Variants in KLHL29 observed in about 807,000 individuals in gnomAD.
KLHL29 encodes kelch-like protein 29.
In KLHL29, 21 loss-of-function variants were observed where a neutral mutation model predicts 80.4. The observed-to-expected ratio is 0.26, with a 90% confidence interval of 0.19 to 0.38. The LOEUF is 0.38. Among genes scored for constraint, KLHL29 ranks in the 10% least tolerant of loss-of-function variants. The pLI is 1.00. For synonymous variants in KLHL29, 511 were observed against 526.8 expected (o/e 0.97, Z 0.41); for missense variants, 867 against 1,223.9 (o/e 0.71, Z 4.35).
chr2:23,645,555 C>T (rs540329927), intron 5 of KLHL29, among the ~76,000 whole-genome samples: 7 of 152,284 alleles, frequency 4.6e-5, no homozygotes, highest in South Asian at 4.1e-4. Context: ...AGATCTAGCT[C>T]GTTAAAGTCC....
chr2:23,692,483 TG>T (rs1041454852), intron 7 of KLHL29, among the ~76,000 whole-genome samples: 7 of 152,164 alleles, frequency 4.6e-5, no homozygotes, highest in Non-Finnish European at 7.4e-5. Flanking sequence ...AAAGAAGCAG[TG>T]GCCTGGGGTG....
At chr2:23,645,047 T>G (rs950681909) in intron 5 of KLHL29, among the ~76,000 whole-genome samples, 2 of 152,208 alleles carry the variant, frequency 1.3e-5, no homozygotes, top group African/African-American at 4.8e-5. Context: ...GCCCCTTATA[T>G]TTGCAGGGAA....
In KLHL29 at chr2:23,562,488, T is replaced by C. The variant is rs145306900; in HGVS notation, c.285+7T>C. 9,510 of 1,535,150 alleles carry C rather than the reference T, an allele frequency of 6.2e-3. 37 individuals carry two copies. Among genetic ancestry groups the C allele is most frequent in the Non-Finnish European group, 7.6e-3 (8,730 of 1,146,596 alleles). On this transcript the variant is annotated splice_region_variant and intron_variant, in intron 3 of 13. Transcript: ENST00000486442. The surrounding 1 kb of genome is among the most constrained non-coding windows in gnomAD (Gnocchi z 4.5). ...GTCTGCGGTCACCACCAAGGTAAGA[T>C]GTGGTGTCATCTCTGAGCAGGAGCC... is the stretch of plus-strand genomic sequence containing the variant.
chr2:23,552,968 C>T lies in KLHL29; in HGVS notation c.-45-9184C>T, dbSNP rs549790956. On this transcript the variant is annotated intron_variant, in intron 2 of 13. Transcript: ENST00000486442. ...AGAGACGTGGTTTCACCATGTGGGCCAGGCTGGTCTCGAACTCCTGACCTC... is the reference window on the plus strand; with the variant it reads ...AGAGACGTGGTTTCACCATGTGGGCTAGGCTGGTCTCGAACTCCTGACCTC... 1.6e-4 allele frequency among the ~76,000 whole-genome samples: 24 copies of T among 152,150 alleles called. No homozygotes were observed. The South Asian group carries it at 4.8e-3, about 30-fold the overall frequency.
rs531717403 is a variant in KLHL29, at chr2:23,492,256, G to A, written c.-46+16589G>A. On this transcript the variant is annotated intron_variant, in intron 2 of 13. Transcript: ENST00000486442. ...TATTCCCATGGGCCTCTCTGGACTGGCCCCCTTGACCTCCTCCCAAGGCTG... is the reference window on the plus strand; with the variant it reads ...TATTCCCATGGGCCTCTCTGGACTGACCCCCTTGACCTCCTCCCAAGGCTG... Among the ~76,000 whole-genome samples, 133 of 152,262 alleles carry A rather than the reference G, an allele frequency of 8.7e-4. 1 individual carries two copies. Among genetic ancestry groups the A allele is most frequent in the African/African-American group, 2.9e-3 (121 of 41,560 alleles).
At chr2:23,463,147 G>A (rs1478745777) in intron 1 of KLHL29, among the ~76,000 whole-genome samples, 2 of 146,752 alleles carry the variant, frequency 1.4e-5, no homozygotes, top group Non-Finnish European at 3.0e-5. Flanking sequence ...TTTTTGGAAC[G>A]TCATGGCACT....
chr2:23,693,288 C>T lies in KLHL29; in HGVS notation c.1302C>T (p.Ser434=). The T allele has an allele frequency of 1.9e-6, 3 of 1,542,768 alleles. No individual in the cohort carries two copies. In the South Asian group the frequency reaches 3.6e-5, roughly 18 times the overall value. ...VSFLEKQLTA[S]NCLGVLAMAE... is the part of the protein sequence containing the mutation. Reference sequence around the variant, plus strand: ...CCCCAGAGAAGCAGCTGACGGCCAGCAACTGCCTGGGCGTGCTGGCCATGG... The same window carrying T: ...CCCCAGAGAAGCAGCTGACGGCCAGTAACTGCCTGGGCGTGCTGGCCATGG... The change falls in exon 8 of 14, where the codon AGC becomes AGT. Residue 434 remains serine, a synonymous_variant. Coordinates refer to ENST00000486442, the MANE Select transcript of KLHL29 (RefSeq NM_052920.2).
Position 23,696,528 on chromosome 2 carries a change from G to A in KLHL29, c.2105+15G>A. ...CACGTGGAGAGGTAATGAGGCCACG[G>A]TCAGGACAGGGGCATGCTCTTTGCT... On this transcript the variant is annotated intron_variant, in intron 11 of 13. Coordinates refer to ENST00000486442, the MANE Select transcript of KLHL29 (RefSeq NM_052920.2). The surrounding 1 kb of genome is among the most constrained non-coding windows in gnomAD (Gnocchi z 5.5). The A allele has an allele frequency of 6.6e-7, 1 of 1,507,706 alleles. No individual in the cohort carries two copies. The highest frequency in any genetic ancestry group is 1.3e-5 in the South Asian group (1 of 74,810). The allele number at this position is 1,507,706 out of a possible 1,614,324, so 93.4% of individuals were successfully genotyped here. A position where few individuals can be genotyped will look rare whatever the true frequency, so the allele number is the denominator to read the frequency against.
intron 2 of KLHL29, among the ~76,000 whole-genome samples, chr2:23,479,142 A>G (rs1489359622): frequency 6.6e-6 from 1 of 150,950 alleles, no homozygotes; most frequent in East Asian, 2.0e-4. Context: ...TTGTCTTCTG[A>G]CTGTACCTGC....
At chr2:23,413,622 C>T (rs1666916657) in intron 1 of KLHL29, among the ~76,000 whole-genome samples, 1 of 152,182 alleles carries the variant, frequency 6.6e-6, no homozygotes, top group Non-Finnish European at 1.5e-5. Context: ...GAAAGAACAA[C>T]CTGCTCCCCA....
In KLHL29 at chr2:23,576,253, C is replaced by T. The variant is rs1188391842; in HGVS notation, c.285+13772C>T. On this transcript the variant is annotated intron_variant, in intron 3 of 13. Transcript: ENST00000486442. ...CCAGGAGGCAGAGGTTGCAGTGAGC[C>T]AAGATAGCACCATTGCACTCCAGCC... Among the ~76,000 whole-genome samples the T allele has an allele frequency of 3.6e-5, 5 of 140,138 alleles. No individual in the cohort carries two copies. In the South Asian group the frequency reaches 9.0e-4, roughly 25 times the overall value. 91.9% of individuals were successfully genotyped at this position (140,138 alleles called of 152,430 possible).
rs904627678 is a variant in KLHL29, at chr2:23,647,814, C to T, written c.940+4964C>T. On this transcript the variant is annotated intron_variant, in intron 5 of 13. Transcript: ENST00000486442. This position sits in a 1 kb window ranked among gnomAD's most constrained non-coding sequence, Gnocchi z 4.9. ...CCAGGCCTTGGCTCTCCAGTCTAGC[C>T]GTGCACTGTGCCTCGGTCGAGTGCC... Among the ~76,000 whole-genome samples, 19 of 152,098 alleles carry T rather than the reference C, an allele frequency of 1.2e-4. No individual in the cohort carries two copies. The highest frequency in any genetic ancestry group is 3.3e-4 in the Admixed American group (5 of 15,270).
At chr2:23,702,990 C>T (rs576730953) in intron 11 of KLHL29, among the ~76,000 whole-genome samples, 196 bp from the exon 12 acceptor site, 2 of 152,322 alleles carry the variant, frequency 1.3e-5, no homozygotes, top group East Asian at 3.9e-4. Context: ...AGAGGAAGGC[C>T]GAGAGGGCTA....
Position 23,454,482 on chromosome 2 carries a change from T to C in KLHL29, c.-153-21078T>C, listed in dbSNP as rs928063436. Among the ~76,000 whole-genome samples the C allele has an allele frequency of 2.0e-5, 3 of 152,236 alleles. No individual in the cohort carries two copies. In the East Asian group the frequency reaches 5.8e-4, roughly 29 times the overall value. ...ATTTTATTTAAACCCCCAGGCAGAC[T>C]CCATTTAAATCTGTCTATAAATTGT... On this transcript the variant is annotated intron_variant, in intron 1 of 13. Transcript: ENST00000486442.
intron 7 of KLHL29, 30 bp downstream of exon 7, chr2:23,691,906 G>C (rs78748802): frequency 6.7e-5 from 103 of 1,541,968 alleles, no homozygotes; most frequent in Admixed American, 3.7e-4. Context: ...ATGTCGCTTG[G>C]GGGGAAGAGT....
At chr2:23,466,446 G>T (rs905251406) in intron 1 of KLHL29, among the ~76,000 whole-genome samples, 2 of 152,176 alleles carry the variant, frequency 1.3e-5, no homozygotes, top group Non-Finnish European at 2.9e-5. Context: ...ATTGCTAAAT[G>T]TTTCATATAA....
chr2:23,698,656 T>C (rs959920604), intron 11 of KLHL29, among the ~76,000 whole-genome samples: 2 of 152,226 alleles, frequency 1.3e-5, no homozygotes, highest in South Asian at 2.1e-4. Flanking sequence ...ACCTGTATTA[T>C]ATCATTATAT....
rs1671975496 is a variant in KLHL29, at chr2:23,696,633, A to C, written c.2105+120A>C. On this transcript the variant is annotated intron_variant, in intron 11 of 13. Coordinates refer to ENST00000486442, the MANE Select transcript of KLHL29 (RefSeq NM_052920.2). This position sits in a 1 kb window ranked among gnomAD's most constrained non-coding sequence, Gnocchi z 5.5. Reference sequence around the variant, plus strand: ...CGATGGAGCAGAGCCTGGACCATTCATATGGGCAGTCATCCCAGGCTCTTC... The same window carrying C: ...CGATGGAGCAGAGCCTGGACCATTCCTATGGGCAGTCATCCCAGGCTCTTC... The C allele has an allele frequency of 1.3e-6, 1 of 763,420 alleles. No homozygotes were observed. The highest frequency in any genetic ancestry group is 2.8e-5 in the East Asian group (1 of 35,280). 47.3% of individuals were successfully genotyped at this position (763,420 alleles called of 1,614,324 possible).
chr2:23,439,196 T>C (rs945465478), intron 1 of KLHL29, among the ~76,000 whole-genome samples: 1 of 151,770 alleles, frequency 6.6e-6, no homozygotes, highest in African/African-American at 2.4e-5. Context: ...TTGATTCTTC[T>C]CTCTTTTTTT....
Sources: allele counts gnomAD v4.1 joint callset (sites outside exome capture counted in the v4.1 genomes callset), GRCh38; gene constraint gnomAD v4.1.1; non-coding constraint Gnocchi (gnomAD v3.1); transcripts MANE v1.5; gene names NCBI Gene and HGNC (gene_info 2026-07-23, HGNC 2026-07-21).